The following RPS6KA2 variants were observed in gnomAD, a reference collection of about 807,000 sequenced individuals.
RPS6KA2 encodes ribosomal protein S6 kinase A2, also known as ribosomal protein S6 kinase alpha-2.
A neutral mutation model predicts 91.8 loss-of-function variants in RPS6KA2; 42 were observed. That is an observed-to-expected ratio of 0.46 (90% CI 0.36 to 0.59). The LOEUF is 0.59. RPS6KA2 is among the 20% of genes least tolerant of loss of function. The pLI is 0.00. For synonymous variants in RPS6KA2, 414 were observed against 393.6 expected (o/e 1.05, Z -0.61); for missense variants, 798 against 978.5 (o/e 0.82, Z 2.46).
chr6:166,673,557 A>G (rs965019277), intron 2 of RPS6KA2, among the ~76,000 whole-genome samples: 3 of 152,174 alleles, frequency 2.0e-5, no homozygotes, highest in African/African-American at 4.8e-5. Context: ...GCCAGCTGCT[A>G]TTTGATGGAT....
chr6:166,437,160 T>A lies in RPS6KA2; in HGVS notation c.1333-4670A>T, dbSNP rs1464585878. On this transcript the variant is annotated intron_variant, in intron 14 of 20. Coordinates refer to ENST00000265678, the MANE Select transcript of RPS6KA2 (RefSeq NM_021135.6). This position sits in a 1 kb window ranked among gnomAD's most constrained non-coding sequence, Gnocchi z 4.3. ...ACAGTCCTGGAGTACATGACCTGGA[T>A]CTGCTGCGGGCAGCCGGGGTTTGGA... is the stretch of plus-strand genomic sequence containing the variant. Among the ~76,000 whole-genome samples, 1 of 151,898 alleles carries A rather than the reference T, an allele frequency of 6.6e-6. No homozygotes were observed. Among genetic ancestry groups the A allele is most frequent in the Non-Finnish European group, 1.5e-5 (1 of 68,002 alleles).
intron 1 of RPS6KA2, among the ~76,000 whole-genome samples, chr6:166,620,713 C>A (rs148621218): frequency 6.6e-6 from 1 of 152,348 alleles, no homozygotes; most frequent in African/African-American, 2.4e-5. Context: ...TGCAACACCA[C>A]GGATGCCAAG....
At chr6:166,680,639 T>C (rs1788771472) in intron 2 of RPS6KA2, among the ~76,000 whole-genome samples, 4 of 152,156 alleles carry the variant, frequency 2.6e-5, no homozygotes. Flanking sequence ...CCTTATGAAC[T>C]GTAACACTCA....
chr6:166,807,902 C>T (rs934044560), intron 2 of RPS6KA2, among the ~76,000 whole-genome samples: 1 of 152,164 alleles, frequency 6.6e-6, no homozygotes, highest in Non-Finnish European at 1.5e-5. Context: ...CCATGGCACT[C>T]ATCTCCTTCT....
Position 166,434,191 on chromosome 6 carries a change from T to C in RPS6KA2, c.1333-1701A>G, listed in dbSNP as rs558022302. On this transcript the variant is annotated intron_variant, in intron 14 of 20. Transcript: ENST00000265678. This position sits in a 1 kb window ranked among gnomAD's most constrained non-coding sequence, Gnocchi z 4.4. Reference sequence around the variant, plus strand: ...CACCATAGTGCCAGTTCTCACCCCATTATAGTTTCAAAGGATGCTCTGCCA... The same window carrying C: ...CACCATAGTGCCAGTTCTCACCCCACTATAGTTTCAAAGGATGCTCTGCCA... Among the ~76,000 whole-genome samples, 79 of 152,268 alleles carry C rather than the reference T, an allele frequency of 5.2e-4. No homozygotes were observed. Among genetic ancestry groups the C allele is most frequent in the Non-Finnish European group, 1.0e-3 (68 of 68,014 alleles).
At chr6:166,592,286 T>C (rs1461476478) in intron 1 of RPS6KA2, among the ~76,000 whole-genome samples, 1 of 152,150 alleles carries the variant, frequency 6.6e-6, no homozygotes, top group Non-Finnish European at 1.5e-5. Context: ...TGGGTGCACC[T>C]CAGATTAAAA....
intron 3 of RPS6KA2, among the ~76,000 whole-genome samples, chr6:166,515,770 G>A (rs1782624566): frequency 1.3e-5 from 2 of 152,224 alleles, no homozygotes; most frequent in Admixed American, 1.3e-4. Flanking sequence ...AAAGGGAAAA[G>A]TCAAGCTGGG....
rs909957687 is a variant in RPS6KA2, at chr6:166,423,587, C to G, written c.1582-170G>C. Among the ~76,000 whole-genome samples, 3 of 152,172 alleles carry G rather than the reference C, an allele frequency of 2.0e-5. No individual in the cohort carries two copies. The highest frequency in any genetic ancestry group is 7.2e-5 in the African/African-American group (3 of 41,442). The stretch of plus-strand genomic sequence containing the variant: ...AGCTGCTGTCTTCTCCAGAGGGCCC[C>G]CCACCTTCTCCCATTCTCCTGTGGT... On this transcript the variant is annotated intron_variant, in intron 16 of 20. Coordinates refer to ENST00000265678, the MANE Select transcript of RPS6KA2 (RefSeq NM_021135.6). This position sits in a 1 kb window ranked among gnomAD's most constrained non-coding sequence, Gnocchi z 4.8.
chr6:166,577,900 C>G (rs567457155), intron 1 of RPS6KA2, among the ~76,000 whole-genome samples: 1 of 152,106 alleles, frequency 6.6e-6, no homozygotes, highest in Non-Finnish European at 1.5e-5. Flanking sequence ...GGGAGAGGGA[C>G]CTGATGGGAG....
chr6:166,842,160 C>A (rs1024021521), intron 2 of RPS6KA2, among the ~76,000 whole-genome samples: 1 of 152,220 alleles, frequency 6.6e-6, no homozygotes, highest in Non-Finnish European at 1.5e-5. Context: ...TGACCCACAA[C>A]GCCAACCGAA....
intron 2 of RPS6KA2, among the ~76,000 whole-genome samples, chr6:166,835,309 CTGTT>C (rs1006911191): frequency 1.8e-4 from 27 of 152,296 alleles, no homozygotes; most frequent in African/African-American, 6.0e-4. Flanking sequence ...GTTTAGGAAT[CTGTT>C]TGCCAAATTC....
At chr6:166,584,140 T>C (rs1785102330) in intron 1 of RPS6KA2, among the ~76,000 whole-genome samples, 1 of 152,204 alleles carries the variant, frequency 6.6e-6, no homozygotes, top group Non-Finnish European at 1.5e-5. Flanking sequence ...TTATTTCCCA[T>C]AGTTCTGGAA....
rs1366537329 is a variant in RPS6KA2 at position 166,531,163 on chromosome 6, TCCTCAAATAACGG to T, written c.298+56_298+68del. 6 of 1,008,280 alleles carry T rather than the reference TCCTCAAATAACGG, an allele frequency of 6.0e-6. No homozygotes were observed. In the Admixed American group the frequency reaches 1.0e-4, roughly 17 times the overall value. 62.5% of individuals were successfully genotyped at this position (1,008,280 alleles called of 1,614,324 possible). A position where few individuals can be genotyped will look rare whatever the true frequency, so the allele number is the denominator to read the frequency against. On this transcript the variant is annotated intron_variant, in intron 3 of 20. Transcript: ENST00000265678. Reference sequence around the variant, plus strand: ...GTGAACATTAAATGGAATGAATATTTCCTCAAATAACGGAGTAGAAATTGCAGTTACCTGTCTC... The same window carrying T: ...GTGAACATTAAATGGAATGAATATTTAGTAGAAATTGCAGTTACCTGTCTC...
At chr6:166,473,869 A>C in intron 10 of RPS6KA2, among the ~76,000 whole-genome samples, 1 of 151,618 alleles carries the variant, frequency 6.6e-6, no homozygotes, top group East Asian at 1.9e-4. Context: ...TCCATCATTG[A>C]CTTAAATACT....
chr6:166,582,216 T>C lies in RPS6KA2; in HGVS notation c.100-43432A>G, dbSNP rs555732636. Among the ~76,000 whole-genome samples, 11 of 149,894 alleles carry C rather than the reference T, an allele frequency of 7.3e-5. No homozygotes were observed. The East Asian group carries it at 2.0e-3, about 27-fold the overall frequency. Reference sequence around the variant, plus strand: ...ATGGGGTGAGATGCCCATGGGCAGGTGGGGTGAGCAGGAGGGCACAGAGAG... The same window carrying C: ...ATGGGGTGAGATGCCCATGGGCAGGCGGGGTGAGCAGGAGGGCACAGAGAG... On this transcript the variant is annotated intron_variant, in intron 1 of 20. Transcript: ENST00000265678.
chr6:166,829,694 A>T (rs1562461085), intron 2 of RPS6KA2, among the ~76,000 whole-genome samples: 2 of 152,090 alleles, frequency 1.3e-5, no homozygotes, highest in African/African-American at 4.8e-5. Context: ...ACCCATGTTC[A>T]CAGCAGCTTG....
chr6:166,777,770 GT>G (rs1366600233), intron 2 of RPS6KA2, among the ~76,000 whole-genome samples: 1 of 152,074 alleles, frequency 6.6e-6, no homozygotes, highest in African/African-American at 2.4e-5. Flanking sequence ...GGATGGAAAA[GT>G]AATATTCAAA....
intron 11 of RPS6KA2, chr6:166,460,767 C>G (rs1780252070): frequency 6.6e-6 from 1 of 152,282 alleles, no homozygotes; most frequent in Admixed American, 6.5e-5. Context: ...GCCTGGAGTC[C>G]TGTCCTGGGC....
Position 166,626,932 on chromosome 6 carries a change from T to C in RPS6KA2, c.88A>G (p.Ser30Gly). Residue 30 changes from serine (S) to glycine (G), a missense_variant, in exon 1 of 21, where the codon AGC (serine) becomes GGC (glycine). Coordinates refer to ENST00000265678, the MANE Select transcript of RPS6KA2 (RefSeq NM_021135.6). The surrounding 1 kb of genome is among the most constrained non-coding windows in gnomAD (Gnocchi z 4.1). The part of the protein sequence containing the change: ...RKSRSKSSSL[S>G]RLEEEGVVKE... The stretch of plus-strand genomic sequence containing the variant: ...GGCGGCCGCATTACCTCGAGCCGGC[T>C]CAGGCTGGAGCTCTTGGAGCGCGAC... 1 of 1,540,584 alleles carries C rather than the reference T, an allele frequency of 6.5e-7. No individual in the cohort carries two copies. The highest frequency in any genetic ancestry group is 8.8e-7 in the Non-Finnish European group (1 of 1,141,586).
Sources: gnomAD v4.1 joint callset for allele counts (sites outside exome capture counted in the v4.1 genomes callset) on GRCh38, gnomAD v4.1.1 for gene constraint, Gnocchi (gnomAD v3.1) non-coding constraint, MANE v1.5 for transcripts, NCBI Gene and HGNC (gene_info 2026-07-23, HGNC 2026-07-21) for gene names.